The following NPEPL1 variants were observed in gnomAD, a reference collection of about 807,000 sequenced individuals.
NPEPL1 encodes the protein probable aminopeptidase NPEPL1.
In NPEPL1, 45 loss-of-function variants were observed where a neutral mutation model predicts 52.4. The observed-to-expected ratio is 0.86, with a 90% CI of 0.68 to 1.10. The LOEUF (loss-of-function observed/expected upper bound fraction) is 1.10, where lower values mean the gene tolerates loss of function less well. Among genes scored for constraint, NPEPL1 ranks in the 50% least tolerant of loss-of-function variants. NPEPL1 has a pLI of 0.00. For missense variants in NPEPL1, 696 were observed against 710.9 expected (o/e 0.98, Z 0.24); for synonymous variants, 360 against 314.7 (o/e 1.14, Z -1.52).
chr20:58,698,707 C>A lies in NPEPL1; in HGVS notation c.531C>A (p.Gly177=). The A allele has an allele frequency of 6.2e-7, 1 of 1,612,778 alleles. No homozygotes were observed. The highest frequency in any genetic ancestry group is 1.1e-5 in the South Asian group (1 of 91,088). The change falls in exon 4 of 12, where the codon GGC becomes GGA. Residue 177 remains glycine (G), a synonymous_variant. Transcript: ENST00000356091. ...AGTGCTTAGCGAATGCCACAGACGG[C>A]GTGCGGCTAGCAGCCCGCATCGTGG... is the stretch of plus-strand genomic sequence containing the variant. ...TLQCLANATD[G]VRLAARIVDT... is the part of the protein sequence containing the mutation.
In NPEPL1 at chr20:58,692,840, AG is replaced by A. The variant is rs1172785654; in HGVS notation, c.-56del. ...CCGAGGCCGGGCCGGAGCGGGGCGA[AG>A]GGGGCCGAGCGGCGGGCCGGGCCGG... On this transcript the variant is annotated 5_prime_UTR_variant, in exon 1 of 12. Transcript: ENST00000356091. The surrounding 1 kb of genome is among the most constrained non-coding windows in gnomAD (Gnocchi z 5.7). 1.2e-5 allele frequency: 12 copies of A among 976,466 alleles called. No homozygotes were observed. The highest frequency in any genetic ancestry group is 1.5e-5 in the Non-Finnish European group (12 of 825,552). 60.5% of individuals were successfully genotyped at this position (976,466 alleles called of 1,614,324 possible). A position where few individuals can be genotyped will look rare whatever the true frequency, so the allele number is the denominator to read the frequency against.
intron 6 of NPEPL1, among the ~76,000 whole-genome samples, chr20:58,706,126 G>A (rs1195290772): frequency 1.3e-5 from 2 of 152,186 alleles, no homozygotes; most frequent in African/African-American, 2.4e-5. Context: ...GTAAAAATGT[G>A]TAACACTGTC....
chr20:58,692,013 G>GA, upstream of NPEPL1: 2 of 611,372 alleles, frequency 3.3e-6, no homozygotes, highest in East Asian at 2.8e-5. The surrounding 1 kb of genome is among the most constrained non-coding windows in gnomAD (Gnocchi z 5.7). Context: ...TTCCTCCCCT[G>GA]TAAGGCGACT....
At chr20:58,699,703 C>A (rs6123825) in intron 5 of NPEPL1, among the ~76,000 whole-genome samples, 48,447 of 151,902 alleles carry the variant, frequency 0.32, 8,443 homozygotes, top group Non-Finnish European at 0.39. Flanking sequence ...TGGAGGCCAT[C>A]TCAACCAATG....
chr20:58,698,712 G>T lies in NPEPL1; in HGVS notation c.536G>T (p.Arg179Leu). Residue 179 changes from arginine (R) to leucine (L), a missense_variant, in exon 4 of 12, where the codon CGG becomes CTG. Transcript: ENST00000356091. ...TTAGCGAATGCCACAGACGGCGTGC[G>T]GCTAGCAGCCCGCATCGTGGACACA... ...QCLANATDGV[R>L]LAARIVDTPC... 6.2e-7 allele frequency: 1 copy of T among 1,612,922 alleles called. No individual in the cohort carries two copies.
chr20:58,692,690 G>A (rs926585102), upstream of NPEPL1: 22 of 440,066 alleles, frequency 5.0e-5, no homozygotes, highest in East Asian at 3.1e-4. The surrounding 1 kb of genome is among the most constrained non-coding windows in gnomAD (Gnocchi z 5.7). Flanking sequence ...GGGCCTGCCC[G>A]CACCCTTCCG....
chr20:58,713,796 T>C lies in NPEPL1; in HGVS notation c.1126-121T>C. 1 of 1,227,230 alleles carries C rather than the reference T, an allele frequency of 8.1e-7. No homozygotes were observed. The highest frequency in any genetic ancestry group is 1.1e-6 in the Non-Finnish European group (1 of 928,924). 76.0% of individuals were successfully genotyped at this position (1,227,230 alleles called of 1,614,324 possible). On this transcript the variant is annotated intron_variant, in intron 9 of 11. Coordinates refer to ENST00000356091, the MANE Select transcript of NPEPL1 (RefSeq NM_024663.4). This position sits in a 1 kb window ranked among gnomAD's most constrained non-coding sequence, Gnocchi z 4.6. ...CTTTCTGCCTGTGTTTTTTCTTTTT[T>C]TCTCAACCGTCTCTTTTCTGGCTCC... is the stretch of plus-strand genomic sequence containing the variant.
intron 11 of NPEPL1, 80 bp downstream of exon 11, chr20:58,714,750 T>C (rs1428289601): frequency 3.2e-5 from 36 of 1,125,152 alleles, no homozygotes; most frequent in Non-Finnish European, 4.4e-5. Flanking sequence ...CTGGAGCTGC[T>C]GGCAGAGCTC....
chr20:58,704,358 T>C (rs1274108489), intron 6 of NPEPL1: 1 of 985,268 alleles, frequency 1.0e-6, no homozygotes, highest in Non-Finnish European at 1.2e-6. Context: ...CTAGCAGGCC[T>C]CAAATGCATT....
intron 6 of NPEPL1, among the ~76,000 whole-genome samples, chr20:58,703,178 C>T (rs1308970001): frequency 1.3e-5 from 2 of 152,174 alleles, no homozygotes; most frequent in African/African-American, 4.8e-5. Flanking sequence ...GATTTTGTGT[C>T]GGGTCATTGC....
chr20:58,692,588 C>CCGCCCGGGT (rs1235159201), upstream of NPEPL1: 2 of 157,622 alleles, frequency 1.3e-5, no homozygotes, highest in Non-Finnish European at 2.7e-5. This position sits in a 1 kb window ranked among gnomAD's most constrained non-coding sequence, Gnocchi z 5.7. Context: ...TTGGGCAGGG[C>CCGCCCGGGT]CGCTAGGCCC....
chr20:58,693,631 C>T, intron 1 of NPEPL1, 106 bp from the exon 2 acceptor site: 10 of 1,003,036 alleles, frequency 1.0e-5, no homozygotes, highest in Non-Finnish European at 1.5e-5. Context: ...GCGCAGTGCC[C>T]TTCCAGGACT....
chr20:58,700,963 T>TC (rs1175961887), intron 5 of NPEPL1, 53 bp from the exon 6 acceptor site: 4 of 1,406,006 alleles, frequency 2.8e-6, no homozygotes, highest in Non-Finnish European at 3.7e-6. Context: ...CTCTGGGAGT[T>TC]CCCCGCTCAG....
chr20:58,689,983 G>A (rs1025293447), upstream of NPEPL1, among the ~76,000 whole-genome samples: 32 of 152,154 alleles, frequency 2.1e-4, no homozygotes, highest in African/African-American at 7.5e-4. Context: ...TTGAAGTATC[G>A]GATATAATGG....
intron 6 of NPEPL1, among the ~76,000 whole-genome samples, chr20:58,704,652 GC>G (rs142658814): frequency 0.11 from 17,309 of 152,204 alleles, 1,108 homozygotes; most frequent in African/African-American, 0.14. Context: ...TAGGGACCTT[GC>G]GTCTGCTTCC....
At chr20:58,689,846 A>G (rs2084318568), upstream of NPEPL1, among the ~76,000 whole-genome samples, 1 of 151,758 alleles carries the variant, frequency 6.6e-6, no homozygotes, top group Admixed American at 6.6e-5. Flanking sequence ...CACACACGCT[A>G]TTGCGTCCCC....
intron 6 of NPEPL1, chr20:58,703,831 C>T: frequency 1.0e-6 from 1 of 985,270 alleles, no homozygotes; most frequent in Non-Finnish European, 1.2e-6. Flanking sequence ...GGTAGAACTG[C>T]CAGAGAGTAG....
Position 58,714,669 on chromosome 20 carries a change from C to A in NPEPL1, c.1412C>A (p.Ala471Asp). The A allele has an allele frequency of 6.3e-7, 1 of 1,582,122 alleles. No individual in the cohort carries two copies. The highest frequency in any genetic ancestry group is 1.1e-5 in the South Asian group (1 of 87,140). ...CTGGACATTGCTGCACCGGTGCATGCTGTGAGTGTCTCCCCTCCCCACTGG... is the reference window on the plus strand; with the variant it reads ...CTGGACATTGCTGCACCGGTGCATGATGTGAGTGTCTCCCCTCCCCACTGG... Reference protein sequence around the residue: ...VHLDIAAPVHAGERATGFGVA... With the variant: ...VHLDIAAPVHDGERATGFGVA... Residue 471 changes from alanine to aspartate, a missense_variant and splice_region_variant, in exon 11 of 12, where the codon GCT becomes GAT. Physicochemically the swap from Ala to Asp is moderately radical, Grantham distance 126 (BLOSUM62 -2). Transcript: ENST00000356091.
chr20:58,705,246 C>CT (rs2084714682), intron 6 of NPEPL1, among the ~76,000 whole-genome samples: 1 of 152,092 alleles, frequency 6.6e-6, no homozygotes, highest in African/African-American at 2.4e-5. Context: ...TGCCATTTGT[C>CT]TGTCAGTTTT....
Sources: allele counts gnomAD v4.1 joint callset (sites outside exome capture counted in the v4.1 genomes callset), GRCh38; gene constraint gnomAD v4.1.1; non-coding constraint Gnocchi (gnomAD v3.1); transcripts MANE v1.5; gene names NCBI Gene and HGNC (gene_info 2026-07-23, HGNC 2026-07-21).